The following HPCAL1 variants were observed in gnomAD, a reference collection of about 807,000 sequenced individuals.
HPCAL1 encodes hippocalcin like 1, also known as hippocalcin-like protein 1.
Under a neutral mutation model 17.1 loss-of-function variants are expected in HPCAL1, and 8 were observed. That is an observed-to-expected ratio of 0.47 (90% CI 0.27 to 0.84). The LOEUF (loss-of-function observed/expected upper bound fraction) is 0.84, where lower values mean the gene tolerates loss of function less well. Ranked by LOEUF, HPCAL1 falls within the 40% of genes least tolerant of loss-of-function variation. The pLI is 0.13. For synonymous variants in HPCAL1, 112 were observed against 111.4 expected, an observed-to-expected ratio of 1.01 and a Z score of -0.03; for missense variants, 165 against 271.1, an observed-to-expected ratio of 0.61 and a Z score of 2.75.
intron 2 of HPCAL1, among the ~76,000 whole-genome samples, chr2:10,401,639 T>C (rs1232452216): frequency 2.0e-5 from 3 of 152,208 alleles, no homozygotes; most frequent in Admixed American, 1.3e-4. Flanking sequence ...ACTTCCTTCC[T>C]GCCTCTCGTC....
chr2:10,395,427 A>T lies in HPCAL1; in HGVS notation c.-110-1408A>T, dbSNP rs1668956893. On this transcript the variant is annotated intron_variant, in intron 1 of 4. Coordinates refer to ENST00000307845, the MANE Select transcript of HPCAL1 (RefSeq NM_002149.4). The surrounding 1 kb of genome is among the most constrained non-coding windows in gnomAD (Gnocchi z 4.4). ...CTCTGGACGCATAGACGTGAAACGG[A>T]CGATTTCCTGACCTTGTGGCGCTCA... Among the ~76,000 whole-genome samples the T allele has an allele frequency of 6.7e-6, 1 of 148,962 alleles. No individual in the cohort carries two copies. Among genetic ancestry groups the T allele is most frequent in the Admixed American group, 6.6e-5 (1 of 15,072 alleles).
Position 10,359,780 on chromosome 2 carries a change from C to T in HPCAL1, c.-110-37055C>T, listed in dbSNP as rs1189552037. 2.0e-5 allele frequency among the ~76,000 whole-genome samples: 3 copies of T among 152,238 alleles called. No homozygotes were observed. Among genetic ancestry groups the T allele is most frequent in the Non-Finnish European group, 4.4e-5 (3 of 68,038 alleles). On this transcript the variant is annotated intron_variant, in intron 1 of 4. Transcript: ENST00000307845. This position sits in a 1 kb window ranked among gnomAD's most constrained non-coding sequence, Gnocchi z 4.1. ...CTTACCCAGATCCCCGTGTCCCCCA[C>T]AGCGGTGGCGGTTTTATTGATGTAT...
At chr2:10,349,523 G>A (rs1188439248) in intron 1 of HPCAL1, among the ~76,000 whole-genome samples, 1 of 151,526 alleles carries the variant, frequency 6.6e-6, no homozygotes, top group Non-Finnish European at 1.5e-5. Flanking sequence ...CTAACACGGT[G>A]AAACCCTGTC....
intron 1 of HPCAL1, among the ~76,000 whole-genome samples, chr2:10,358,496 C>T (rs1279624095): frequency 6.6e-6 from 1 of 152,196 alleles, no homozygotes; most frequent in African/African-American, 2.4e-5. Flanking sequence ...ACCACCCTGG[C>T]CCACCACACT....
chr2:10,318,174 C>G (rs1263098818), intron 1 of HPCAL1, among the ~76,000 whole-genome samples: 1 of 152,116 alleles, frequency 6.6e-6, no homozygotes, highest in Non-Finnish European at 1.5e-5. Flanking sequence ...CTTCCTAGGA[C>G]TTGTCAAATA....
chr2:10,421,534 C>G (rs1671063401), intron 3 of HPCAL1, among the ~76,000 whole-genome samples: 1 of 152,134 alleles, frequency 6.6e-6, no homozygotes, highest in African/African-American at 2.4e-5. Flanking sequence ...GACTCCATCT[C>G]TATAAAAAAT....
intron 1 of HPCAL1, among the ~76,000 whole-genome samples, chr2:10,308,711 G>A (rs1026193161): frequency 1.8e-4 from 27 of 152,150 alleles, no homozygotes; most frequent in African/African-American, 6.3e-4. Flanking sequence ...GGCTGGACCA[G>A]CTGAAGTTGT....
chr2:10,336,084 T>G (rs1205422772), intron 1 of HPCAL1, among the ~76,000 whole-genome samples: 1 of 146,738 alleles, frequency 6.8e-6, no homozygotes, highest in Admixed American at 6.7e-5. Context: ...TGCTGTAAAT[T>G]AATTGCATGT....
intron 1 of HPCAL1, among the ~76,000 whole-genome samples, chr2:10,326,355 T>G (rs1213261498): frequency 6.6e-6 from 1 of 151,974 alleles, no homozygotes; most frequent in Non-Finnish European, 1.5e-5. Context: ...GTGGCTTCAG[T>G]GTGTTTGAAG....
chr2:10,357,635 C>T (rs1455303415), intron 1 of HPCAL1, among the ~76,000 whole-genome samples: 3 of 152,156 alleles, frequency 2.0e-5, no homozygotes, highest in Admixed American at 1.3e-4. Context: ...AGCAGAAAGC[C>T]GATGTTCTTG....
intron 1 of HPCAL1, among the ~76,000 whole-genome samples, chr2:10,391,779 C>A (rs574790885): frequency 3.3e-5 from 5 of 152,216 alleles, no homozygotes; most frequent in African/African-American, 1.2e-4. Flanking sequence ...GACAGAGTCT[C>A]GCTCTGTTGC....
intron 2 of HPCAL1, among the ~76,000 whole-genome samples, chr2:10,399,496 T>TCATCACCACCATCATCAC (rs1558518528): frequency 1.0e-4 from 5 of 48,122 alleles, no homozygotes; most frequent in Admixed American, 1.8e-4. Context: ...ACCGCCACCA[T>TCATCACCACCATCATCAC]CACCATCACC....
In HPCAL1 at chr2:10,384,204, G is replaced by A. The variant is rs975386396; in HGVS notation, c.-110-12631G>A. Among the ~76,000 whole-genome samples, 4 of 152,126 alleles carry A rather than the reference G, an allele frequency of 2.6e-5. No individual in the cohort carries two copies. Among genetic ancestry groups the A allele is most frequent in the Non-Finnish European group, 5.9e-5 (4 of 68,024 alleles). On this transcript the variant is annotated intron_variant, in intron 1 of 4. Coordinates refer to ENST00000307845, the MANE Select transcript of HPCAL1 (RefSeq NM_002149.4). The surrounding 1 kb of genome is among the most constrained non-coding windows in gnomAD (Gnocchi z 4.4). ...GTGGGGACAAGGTGAGGGAGGTGGC[G>A]GCCCGGCAGGAAGGTCATTTCTTTC...
intron 1 of HPCAL1, among the ~76,000 whole-genome samples, chr2:10,370,234 A>G (rs1452420739): frequency 1.3e-5 from 2 of 152,044 alleles, no homozygotes; most frequent in Non-Finnish European, 2.9e-5. Context: ...TCTTCTTCCA[A>G]TCGAATTCCC....
Position 10,323,920 on chromosome 2 carries a change from G to A in HPCAL1, c.-111+20743G>A, listed in dbSNP as rs1333781818. ...TTTTCTAGTCTTCCCATTACTAAAT[G>A]TGGCACAAGAACGTAGTCTAAAGGA... On this transcript the variant is annotated intron_variant, in intron 1 of 4. Coordinates refer to ENST00000307845, the MANE Select transcript of HPCAL1 (RefSeq NM_002149.4). This position sits in a 1 kb window ranked among gnomAD's most constrained non-coding sequence, Gnocchi z 4.6. Among the ~76,000 whole-genome samples the A allele has an allele frequency of 6.6e-6, 1 of 152,240 alleles. No individual in the cohort carries two copies. Among genetic ancestry groups the A allele is most frequent in the Non-Finnish European group, 1.5e-5 (1 of 68,042 alleles).
chr2:10,321,545 G>A (rs1399765216), intron 1 of HPCAL1, among the ~76,000 whole-genome samples: 1 of 151,946 alleles, frequency 6.6e-6, no homozygotes, highest in Non-Finnish European at 1.5e-5. Context: ...TGGCAAAGTT[G>A]AGCACCAGTA....
At chr2:10,353,204 G>C (rs1219375119) in intron 1 of HPCAL1, among the ~76,000 whole-genome samples, 1 of 152,178 alleles carries the variant, frequency 6.6e-6, no homozygotes. Flanking sequence ...AGTGTTTTGG[G>C]CGTGCTGGGC....
At chr2:10,355,265 A>C (rs974209937) in intron 1 of HPCAL1, among the ~76,000 whole-genome samples, 2 of 151,498 alleles carry the variant, frequency 1.3e-5, no homozygotes, top group East Asian at 1.9e-4. Flanking sequence ...TCCTGGCTAA[A>C]ACGGGGAAAC....
At chr2:10,396,445 G>A (rs538860407) in intron 1 of HPCAL1, among the ~76,000 whole-genome samples, 5 of 152,304 alleles carry the variant, frequency 3.3e-5, no homozygotes, top group African/African-American at 1.2e-4. Flanking sequence ...GGGTGAGGAC[G>A]GAGGCTGTGC....
Sources: gnomAD v4.1 joint callset for allele counts (sites outside exome capture counted in the v4.1 genomes callset) on GRCh38, gnomAD v4.1.1 for gene constraint, Gnocchi (gnomAD v3.1) non-coding constraint, MANE v1.5 for transcripts, NCBI Gene and HGNC (gene_info 2026-07-23, HGNC 2026-07-21) for gene names.